PLEK2: variants seen among roughly 807,000 people sequenced by gnomAD.
PLEK2 encodes the protein pleckstrin-2.
Under a neutral mutation model 43.8 loss-of-function variants are expected in PLEK2, and 29 were observed. The observed-to-expected ratio is 0.66, with a 90% CI of 0.49 to 0.90. The LOEUF is 0.90. Ranked by LOEUF, PLEK2 falls within the 40% of genes least tolerant of loss-of-function variation. The probability of loss-of-function intolerance (pLI) is 0.00; values close to 1 mark genes in which losing one functional copy is unlikely to be tolerated. For synonymous variants in PLEK2, 162 were observed against 173.2 expected (o/e 0.94, Z 0.51); for missense variants, 398 against 448.1 (o/e 0.89, Z 1.01).
chr14:67,388,479 C>T (rs916810058), intron 7 of PLEK2, among the ~76,000 whole-genome samples, 177 bp from the exon 8 acceptor site: 1 of 152,150 alleles, frequency 6.6e-6, no homozygotes, highest in East Asian at 1.9e-4. Flanking sequence ...GAAGCTTGGG[C>T]CTCTTCATTT....
intron 6 of PLEK2, among the ~76,000 whole-genome samples, chr14:67,391,169 G>A (rs1056246616): frequency 6.6e-6 from 1 of 152,110 alleles, no homozygotes; most frequent in Non-Finnish European, 1.5e-5. Context: ...CAGTCTACAC[G>A]TGTGCCCACA....
chr14:67,392,029 TA>T (rs1435233434), intron 6 of PLEK2, among the ~76,000 whole-genome samples: 1 of 152,096 alleles, frequency 6.6e-6, no homozygotes, highest in Non-Finnish European at 1.5e-5. Flanking sequence ...CCAAGACAAA[TA>T]TGTGAAGCTG....
intron 1 of PLEK2, among the ~76,000 whole-genome samples, chr14:67,400,740 C>T (rs1297122798): frequency 6.6e-6 from 1 of 152,108 alleles, no homozygotes; most frequent in Middle Eastern, 3.4e-3. Flanking sequence ...GTAATCCCAG[C>T]ACTTCGGGAG....
intron 6 of PLEK2, 39 bp downstream of exon 6, chr14:67,392,287 G>T: frequency 7.6e-7 from 1 of 1,313,180 alleles, no homozygotes; most frequent in Non-Finnish European, 1.1e-6. Flanking sequence ...CTAAGCTTGA[G>T]AACTGTCCAT....
chr14:67,409,800 C>T (rs552926917), intron 1 of PLEK2, among the ~76,000 whole-genome samples: 20 of 152,322 alleles, frequency 1.3e-4, no homozygotes, highest in Middle Eastern at 3.4e-3. Flanking sequence ...TCTCCTAAGA[C>T]TATGGAATCC....
intron 1 of PLEK2, among the ~76,000 whole-genome samples, chr14:67,405,440 T>C (rs982032523): frequency 2.0e-5 from 3 of 152,114 alleles, no homozygotes; most frequent in Admixed American, 2.0e-4. Flanking sequence ...AAGGCAAAGA[T>C]GAACAAGACT....
chr14:67,409,268 G>T (rs2086101078), intron 1 of PLEK2, among the ~76,000 whole-genome samples: 2 of 149,714 alleles, frequency 1.3e-5, no homozygotes, highest in Non-Finnish European at 3.0e-5. Flanking sequence ...TAACAGGGGG[G>T]TGTGGTGACT....
At chr14:67,399,300 G>C (rs2086031371) in intron 1 of PLEK2, among the ~76,000 whole-genome samples, 1 of 151,188 alleles carries the variant, frequency 6.6e-6, no homozygotes, top group Non-Finnish European at 1.5e-5. Flanking sequence ...CAGGAATAAA[G>C]AGAAGGGTAG....
chr14:67,391,588 T>C (rs1221534307), intron 6 of PLEK2, among the ~76,000 whole-genome samples: 3 of 152,150 alleles, frequency 2.0e-5, no homozygotes, highest in African/African-American at 7.2e-5. Flanking sequence ...ATGGGAGTGG[T>C]GCCGAGCCGT....
chr14:67,390,607 G>A, intron 7 of PLEK2, 56 bp downstream of exon 7: 1 of 1,191,436 alleles, frequency 8.4e-7, no homozygotes, highest in Non-Finnish European at 1.3e-6. Context: ...GCCAGGAGAG[G>A]AGTGTCTGGG....
intron 1 of PLEK2, 92 bp from the exon 2 acceptor site, chr14:67,397,918 C>G (rs2086022485): frequency 3.9e-6 from 4 of 1,032,550 alleles, no homozygotes; most frequent in Non-Finnish European, 5.6e-6. Context: ...AGTAACCAGA[C>G]TGTGCTGTGG....
intron 1 of PLEK2, among the ~76,000 whole-genome samples, chr14:67,400,244 T>G (rs1270373839): frequency 1.3e-5 from 2 of 152,220 alleles, no homozygotes; most frequent in Non-Finnish European, 2.9e-5. Context: ...TGACAAGAGT[T>G]TATTAACATG....
rs1204101517 is a variant in PLEK2, at chr14:67,404,746, G to C, written c.43-6920C>G. 3.3e-5 allele frequency among the ~76,000 whole-genome samples: 5 copies of C among 151,796 alleles called. No homozygotes were observed. In the East Asian group the frequency reaches 9.7e-4, roughly 29 times the overall value. On this transcript the variant is annotated intron_variant, in intron 1 of 8. Coordinates refer to ENST00000216446, the MANE Select transcript of PLEK2 (RefSeq NM_016445.3). ...GATCATTTGAGCCTGGGAGGTCGAG[G>C]CTGCAGTAAGCTATGATCACACCAA... is the stretch of plus-strand genomic sequence containing the variant.
intron 1 of PLEK2, 21 bp downstream of exon 1, chr14:67,411,997 C>T (rs1034701683): frequency 2.0e-6 from 3 of 1,538,166 alleles, no homozygotes; most frequent in Non-Finnish European, 1.7e-6. Context: ...GGCAATGTCC[C>T]GAAGCTCGAC....
intron 7 of PLEK2, among the ~76,000 whole-genome samples, chr14:67,389,380 G>A (rs2085951180): frequency 6.6e-6 from 1 of 152,086 alleles, no homozygotes; most frequent in South Asian, 2.1e-4. Flanking sequence ...ACAGGAGAGG[G>A]GCATTCAGCC....
intron 1 of PLEK2, among the ~76,000 whole-genome samples, chr14:67,408,357 A>G (rs1460712323): frequency 2.7e-5 from 4 of 149,758 alleles, no homozygotes; most frequent in East Asian, 3.9e-4. Context: ...AATAAAATAA[A>G]AAAAGAAAAA....
Position 67,401,528 on chromosome 14 carries a change from A to C in PLEK2, c.43-3702T>G, listed in dbSNP as rs373467833. Among the ~76,000 whole-genome samples, 13 of 152,098 alleles carry C rather than the reference A, an allele frequency of 8.5e-5. No individual in the cohort carries two copies. In the East Asian group the frequency reaches 9.7e-4, roughly 11 times the overall value. On this transcript the variant is annotated intron_variant, in intron 1 of 8. Coordinates refer to ENST00000216446, the MANE Select transcript of PLEK2 (RefSeq NM_016445.3). ...CCCTGTCTCTAAAACAACAATAATA[A>C]TAATTTTAAAAAGAAGAGGAGATTT...
chr14:67,401,285 G>A (rs1282650893), intron 1 of PLEK2, among the ~76,000 whole-genome samples: 2 of 152,048 alleles, frequency 1.3e-5, no homozygotes, highest in East Asian at 1.9e-4. Flanking sequence ...CCAGGAGTTT[G>A]AGGCCAGCCT....
chr14:67,393,263 G>A (rs759476723), intron 3 of PLEK2, 22 bp from the exon 4 acceptor site: 1 of 1,567,356 alleles, frequency 6.4e-7, no homozygotes, highest in South Asian at 1.1e-5. Context: ...GGAAGGCAAA[G>A]GAGAGGGAAC....
Sources: allele counts gnomAD v4.1 joint callset (sites outside exome capture counted in the v4.1 genomes callset), GRCh38; gene constraint gnomAD v4.1.1; transcripts MANE v1.5; gene names NCBI Gene and HGNC (gene_info 2026-07-23, HGNC 2026-07-21).